The following MBD5 variants were observed in gnomAD, a reference collection of about 807,000 sequenced individuals.
MBD5 encodes methyl-CpG-binding domain protein 5.
Under a neutral mutation model 117.3 loss-of-function variants are expected in MBD5, and 13 were observed. The ratio of observed to expected loss-of-function variants is 0.11; its 90% CI spans 0.07 to 0.18. The LOEUF (loss-of-function observed/expected upper bound fraction) is 0.18. MBD5 is among the 10% of genes least tolerant of loss of function. The probability of loss-of-function intolerance (pLI) is 1.00; values close to 1 mark genes in which losing one functional copy is unlikely to be tolerated. For missense variants in MBD5, 1,879 were observed against 2,093.8 expected (o/e 0.90, Z 2.00); for synonymous variants, 727 against 766.4 (o/e 0.95, Z 0.85).
intron 1 of MBD5, among the ~76,000 whole-genome samples, chr2:148,060,277 T>C (rs1694997183): frequency 6.7e-6 from 1 of 149,938 alleles, no homozygotes; most frequent in Admixed American, 6.7e-5. Flanking sequence ...CCCATTGCAC[T>C]CCAGCCTGGA....
At chr2:148,438,358 G>T (rs551102704) in intron 4 of MBD5, among the ~76,000 whole-genome samples, 1 of 152,090 alleles carries the variant, frequency 6.6e-6, no homozygotes, top group Admixed American at 6.6e-5. Context: ...TGAAACTCTG[G>T]TTACTGCTCA....
chr2:148,402,504 T>C (rs1221041120), intron 4 of MBD5, among the ~76,000 whole-genome samples: 1 of 152,148 alleles, frequency 6.6e-6, no homozygotes, highest in African/African-American at 2.4e-5. Flanking sequence ...TGTATTTCCT[T>C]CTAATTCCTC....
intron 4 of MBD5, among the ~76,000 whole-genome samples, chr2:148,389,763 C>A (rs553893361): frequency 3.9e-5 from 6 of 152,162 alleles, no homozygotes; most frequent in Non-Finnish European, 7.4e-5. Flanking sequence ...GTCCTTGGGC[C>A]ACTTTTTAAT....
At chr2:148,461,210 G>T (rs759519009) in intron 5 of MBD5, among the ~76,000 whole-genome samples, 28 of 152,130 alleles carry the variant, frequency 1.8e-4, no homozygotes, top group Non-Finnish European at 3.8e-4. Context: ...TGGGTTTACA[G>T]GCGTGAGCCA....
At chr2:148,066,150 A>T (rs543476426) in intron 1 of MBD5, among the ~76,000 whole-genome samples, 90 of 152,092 alleles carry the variant, frequency 5.9e-4, no homozygotes, top group African/African-American at 2.0e-3. Flanking sequence ...AATTTTTTTT[A>T]AAAAAATGAG....
At chr2:148,128,990 G>A (rs2105455550) in intron 1 of MBD5, among the ~76,000 whole-genome samples, 1 of 152,334 alleles carries the variant, frequency 6.6e-6, no homozygotes, top group Non-Finnish European at 1.5e-5. Context: ...TGATCGCTAA[G>A]AGTTGAAGCT....
intron 1 of MBD5, among the ~76,000 whole-genome samples, chr2:148,109,458 T>C (rs966037769): frequency 1.3e-5 from 2 of 152,204 alleles, no homozygotes; most frequent in African/African-American, 4.8e-5. Context: ...GACTATTAAA[T>C]AGCCATGATA....
At chr2:148,206,361 C>T (rs113558031) in intron 2 of MBD5, among the ~76,000 whole-genome samples, 6,009 of 152,152 alleles carry the variant, frequency 0.039, 161 homozygotes, top group African/African-American at 0.076. Flanking sequence ...TAATTATACA[C>T]ATTTATGGGG....
chr2:148,358,086 A>G (rs1703432712), intron 4 of MBD5, among the ~76,000 whole-genome samples: 1 of 151,630 alleles, frequency 6.6e-6, no homozygotes, highest in African/African-American at 2.4e-5. Context: ...CCCATCCTCC[A>G]CCTATTGTGG....
At chr2:148,296,864 A>ATTTT (rs757371602) in intron 3 of MBD5, among the ~76,000 whole-genome samples, 5,377 of 60,744 alleles carry the variant, frequency 0.089, 867 homozygotes, top group African/African-American at 0.16. Context: ...TAGTTCTTCA[A>ATTTT]TTTTTTTTTT....
intron 4 of MBD5, among the ~76,000 whole-genome samples, chr2:148,423,778 C>T (rs1705685081): frequency 6.6e-6 from 1 of 152,052 alleles, no homozygotes; most frequent in Admixed American, 6.6e-5. Context: ...GAGTCAAGAC[C>T]CATGGGTATG....
intron 1 of MBD5, among the ~76,000 whole-genome samples, chr2:148,162,147 A>T (rs1698019643): frequency 6.6e-6 from 1 of 152,182 alleles, no homozygotes; most frequent in South Asian, 2.1e-4. Flanking sequence ...TAAATACACT[A>T]ACTTCTTTGG....
At chr2:148,499,923 A>G (rs1681821654) in intron 11 of MBD5, among the ~76,000 whole-genome samples, 1 of 152,224 alleles carries the variant, frequency 6.6e-6, no homozygotes, top group Non-Finnish European at 1.5e-5. Context: ...AAATCCTGAA[A>G]CAAACTAAAC....
At chr2:148,230,809 G>A (rs1317250312) in intron 2 of MBD5, among the ~76,000 whole-genome samples, 1 of 152,134 alleles carries the variant, frequency 6.6e-6, no homozygotes, top group Non-Finnish European at 1.5e-5. Context: ...GCAGCAGGTT[G>A]CCTTGTTGCC....
chr2:148,280,002 C>T (rs1244398212), intron 3 of MBD5, among the ~76,000 whole-genome samples: 1 of 151,854 alleles, frequency 6.6e-6, no homozygotes, highest in Non-Finnish European at 1.5e-5. Context: ...TTTTTCTTCA[C>T]TTTTTTTCCT....
intron 2 of MBD5, among the ~76,000 whole-genome samples, chr2:148,189,211 G>T (rs1251980881): frequency 1.4e-5 from 2 of 148,076 alleles, no homozygotes; most frequent in Admixed American, 6.7e-5. Flanking sequence ...GGCTTGCTTA[G>T]GTAAACAAAG....
rs561031719 is a variant in MBD5, at chr2:148,170,122, C to T, written c.-924-8578C>T. ...CCGTTTTAGCCAGGATGGTCTCGAT[C>T]TCCTGACCTCGTGATCTGCCCGTCT... On this transcript the variant is annotated intron_variant, in intron 1 of 13. Coordinates refer to ENST00000642680, the MANE Select transcript of MBD5 (RefSeq NM_001378120.1). Among the ~76,000 whole-genome samples, 78 of 152,292 alleles carry T rather than the reference C, an allele frequency of 5.1e-4. 1 individual carries two copies. The highest frequency in any genetic ancestry group is 3.4e-3 in the Admixed American group (52 of 15,304).
Position 148,104,722 on chromosome 2 carries a change from T to C in MBD5, c.-924-73978T>C, listed in dbSNP as rs375045906. Among the ~76,000 whole-genome samples, 6 of 152,302 alleles carry C rather than the reference T, an allele frequency of 3.9e-5. No homozygotes were observed. The South Asian group carries it at 1.0e-3, about 26-fold the overall frequency. ...AAACTTGACTTTTGGGTGGACTCTTTGGAATATGTCTTTGTTTAGAGTTAT... is the reference window on the plus strand; with the variant it reads ...AAACTTGACTTTTGGGTGGACTCTTCGGAATATGTCTTTGTTTAGAGTTAT... On this transcript the variant is annotated intron_variant, in intron 1 of 13. Transcript: ENST00000642680.
rs1181543690 is a variant in MBD5 at position 148,454,020 on chromosome 2, GATTT to G, written c.-556-4178_-556-4175del. 2.6e-5 allele frequency among the ~76,000 whole-genome samples: 4 copies of G among 152,128 alleles called. No individual in the cohort carries two copies. In the South Asian group the frequency reaches 8.3e-4, roughly 31 times the overall value. ...TTTATGTACAGGAATATTTTTATCAGATTTATTTGTCATTGTGAAAATTTGGGAG... is the reference window on the plus strand; with the variant it reads ...TTTATGTACAGGAATATTTTTATCAGATTTGTCATTGTGAAAATTTGGGAG... On this transcript the variant is annotated intron_variant, in intron 4 of 13. Coordinates refer to ENST00000642680, the MANE Select transcript of MBD5 (RefSeq NM_001378120.1).
Sources: allele counts gnomAD v4.1 joint callset (sites outside exome capture counted in the v4.1 genomes callset), GRCh38; gene constraint gnomAD v4.1.1; transcripts MANE v1.5; gene names NCBI Gene and HGNC (gene_info 2026-07-23, HGNC 2026-07-21).